PLA2G7: variants seen among roughly 807,000 people sequenced by gnomAD.
The protein encoded by PLA2G7 is platelet-activating factor acetylhydrolase.
A neutral mutation model predicts 49.6 loss-of-function variants in PLA2G7; 63 were observed. That is an observed-to-expected ratio of 1.27 (90% CI 1.04 to 1.57). PLA2G7 has a LOEUF of 1.57. Among genes scored for constraint, PLA2G7 ranks in the 40% most tolerant of loss-of-function variants. The probability of loss-of-function intolerance (pLI) is 0.00; values close to 1 mark genes in which losing one functional copy is unlikely to be tolerated. For missense variants in PLA2G7, 596 were observed against 521.2 expected, an observed-to-expected ratio of 1.14 and a Z score of -1.40; for synonymous variants, 193 against 169.9, an observed-to-expected ratio of 1.14 and a Z score of -1.06.
chr6:46,723,307 A>G (rs1765461952), intron 1 of PLA2G7, among the ~76,000 whole-genome samples: 1 of 152,240 alleles, frequency 6.6e-6, no homozygotes, highest in Admixed American at 6.5e-5. Flanking sequence ...CACATAGTAA[A>G]TAATTCATAA....
chr6:46,712,362 T>A, intron 5 of PLA2G7, 25 bp from the exon 6 acceptor site: 1 of 1,546,044 alleles, frequency 6.5e-7, no homozygotes, highest in Non-Finnish European at 8.9e-7. Context: ...GAGGGAAGAA[T>A]TACAACTACC....
intron 1 of PLA2G7, among the ~76,000 whole-genome samples, chr6:46,728,935 G>A (rs887340455): frequency 2.0e-5 from 3 of 152,162 alleles, no homozygotes; most frequent in African/African-American, 7.2e-5. Context: ...TACTAGTTTG[G>A]TGACTTCAGT....
intron 1 of PLA2G7, among the ~76,000 whole-genome samples, chr6:46,733,575 G>A (rs1247008343): frequency 6.6e-6 from 1 of 152,224 alleles, no homozygotes; most frequent in Non-Finnish European, 1.5e-5. Flanking sequence ...TATCTGGGGA[G>A]GGGAAAGCAC....
intron 1 of PLA2G7, among the ~76,000 whole-genome samples, chr6:46,733,150 CTT>C (rs994286187): frequency 6.6e-5 from 10 of 152,164 alleles, no homozygotes; most frequent in Admixed American, 6.5e-5. Flanking sequence ...TAGCACTTTT[CTT>C]AATGTTCTGT....
intron 1 of PLA2G7, among the ~76,000 whole-genome samples, chr6:46,734,549 G>A (rs1390489904): frequency 2.6e-5 from 4 of 151,748 alleles, no homozygotes; most frequent in Non-Finnish European, 4.4e-5. Flanking sequence ...CGGGGCGGGC[G>A]CGGTGGCTCA....
At chr6:46,704,766 T>C in intron 11 of PLA2G7, 70 bp from the exon 12 acceptor site, 1 of 945,508 alleles carries the variant, frequency 1.1e-6, no homozygotes, top group Non-Finnish European at 1.7e-6. Flanking sequence ...TGCCCCTAGG[T>C]GGCAATAAAG....
In PLA2G7 at chr6:46,704,841, T is replaced by C. The variant is rs565540353; in HGVS notation, c.1190-145A>G. 6.2e-6 allele frequency: 4 copies of C among 647,484 alleles called. No individual in the cohort carries two copies. In the African/African-American group the frequency reaches 7.3e-5, roughly 12 times the overall value. 40.1% of individuals were successfully genotyped at this position (647,484 alleles called of 1,614,324 possible). On this transcript the variant is annotated intron_variant, in intron 11 of 11. Coordinates refer to ENST00000274793, the MANE Select transcript of PLA2G7 (RefSeq NM_005084.4). The stretch of plus-strand genomic sequence containing the variant: ...GATGTGCTCTGTATCAGCTGCCTCA[T>C]GGCTGCTTTAGCAGCTGAATGCAAA...
intron 1 of PLA2G7, among the ~76,000 whole-genome samples, chr6:46,733,669 C>T (rs1383619390): frequency 6.6e-6 from 1 of 152,192 alleles, no homozygotes; most frequent in South Asian, 2.1e-4. Flanking sequence ...TTCTGCAGGG[C>T]CAGCAGAATT....
chr6:46,714,588 C>A (rs1487645117), intron 4 of PLA2G7, 35 bp from the exon 5 acceptor site: 2 of 1,217,376 alleles, frequency 1.6e-6, no homozygotes, highest in Non-Finnish European at 2.4e-6. Flanking sequence ...TTAAGGTTTT[C>A]TCTGAGTGTT....
At chr6:46,714,612 AT>A in intron 4 of PLA2G7, 59 bp from the exon 5 acceptor site, 1 of 972,238 alleles carries the variant, frequency 1.0e-6, no homozygotes, top group Non-Finnish European at 1.7e-6. Context: ...AGTGAATTTA[AT>A]TCATATCTCA....
At position 46,704,507 on chromosome 6, in the gene PLA2G7, CACAT is replaced by C. The variant is rs1257809273; in HGVS notation, c.*49_*52del. On this transcript the variant is annotated 3_prime_UTR_variant, in exon 12 of 12. Coordinates refer to ENST00000274793, the MANE Select transcript of PLA2G7 (RefSeq NM_005084.4). ...ACACACACACACACACACACACACA[CACAT>C]AATTTTAGACAGTTTTGAAACAAGA... is the stretch of plus-strand genomic sequence containing the variant. The C allele has an allele frequency of 5.2e-5, 49 of 941,528 alleles. No individual in the cohort carries two copies. Among genetic ancestry groups the C allele is most frequent in the Non-Finnish European group, 7.2e-5 (42 of 583,358 alleles). 58.3% of individuals were successfully genotyped at this position (941,528 alleles called of 1,614,324 possible).
chr6:46,707,549 A>G (rs953674957), intron 10 of PLA2G7, among the ~76,000 whole-genome samples: 16 of 152,124 alleles, frequency 1.1e-4, no homozygotes, highest in African/African-American at 3.9e-4. Flanking sequence ...AAAAGTGTGT[A>G]GTACCTTCAC....
At position 46,704,488 on chromosome 6, in the gene PLA2G7, A is replaced by G; in HGVS notation, c.*72T>C. On this transcript the variant is annotated 3_prime_UTR_variant, in exon 12 of 12. Transcript: ENST00000274793. ...CTCTCTCTCTCTCTCTCACACACAC[A>G]CACACACACACACACACACACATAA... 3 of 728,634 alleles carry G rather than the reference A, an allele frequency of 4.1e-6. No homozygotes were observed. Among genetic ancestry groups the G allele is most frequent in the Non-Finnish European group, 6.8e-6 (3 of 438,268 alleles). The allele number at this position is 728,634 out of a possible 1,614,324, so 45.1% of individuals were successfully genotyped here.
rs1441279240 is a variant in PLA2G7 at position 46,704,478 on chromosome 6, T to TCTCTCTCTCACACACACA, written c.*81_*82insTGTGTGTGTGAGAGAGAG. On this transcript the variant is annotated 3_prime_UTR_variant, in exon 12 of 12. Transcript: ENST00000274793. ...CTCTCTCTCTCTCTCTCTCTCTCTCTCACACACACACACACACACACACAC... is the reference window on the plus strand; with the variant it reads ...CTCTCTCTCTCTCTCTCTCTCTCTCTCTCTCTCTCACACACACACACACACACACACACACACACACAC... 1 of 75,902 alleles carries TCTCTCTCTCACACACACA rather than the reference T, an allele frequency of 1.3e-5. No individual in the cohort carries two copies. The highest frequency in any genetic ancestry group is 2.7e-5 in the Non-Finnish European group (1 of 37,002). 4.7% of individuals were successfully genotyped at this position (75,902 alleles called of 1,614,324 possible). A position where few individuals can be genotyped will look rare whatever the true frequency, so the allele number is the denominator to read the frequency against.
At chr6:46,733,007 G>T (rs1405988100) in intron 1 of PLA2G7, among the ~76,000 whole-genome samples, 3 of 152,142 alleles carry the variant, frequency 2.0e-5, no homozygotes, top group Admixed American at 2.0e-4. Flanking sequence ...AGGAATCAGA[G>T]TGTAAATAAT....
intron 2 of PLA2G7, among the ~76,000 whole-genome samples, chr6:46,718,856 T>C (rs1727208875): frequency 6.6e-6 from 1 of 152,260 alleles, no homozygotes; most frequent in South Asian, 2.1e-4. Context: ...CTTTGCATCC[T>C]CTTAACACAG....
intron 4 of PLA2G7, among the ~76,000 whole-genome samples, chr6:46,714,860 C>T (rs563663588): frequency 4.9e-4 from 74 of 151,334 alleles, no homozygotes; most frequent in Non-Finnish European, 9.6e-4. Flanking sequence ...CTCAGCCTCC[C>T]GATTAGCTGA....
intron 6 of PLA2G7, 111 bp from the exon 7 acceptor site, chr6:46,711,730 T>G: frequency 1.9e-6 from 2 of 1,069,990 alleles, no homozygotes; most frequent in Non-Finnish European, 2.9e-6. Context: ...TGACTTCCCT[T>G]TCTTCTTCCA....
intron 2 of PLA2G7, among the ~76,000 whole-genome samples, chr6:46,718,736 G>C (rs890395911): frequency 1.3e-5 from 2 of 152,148 alleles, no homozygotes; most frequent in Non-Finnish European, 2.9e-5. Context: ...ATATTACATA[G>C]ATTCTATGTG....
Sources: gnomAD v4.1 joint callset for allele counts (sites outside exome capture counted in the v4.1 genomes callset) on GRCh38, gnomAD v4.1.1 for gene constraint, MANE v1.5 for transcripts, NCBI Gene and HGNC (gene_info 2026-07-23, HGNC 2026-07-21) for gene names.